Variants in LYZL1 observed in about 807,000 individuals in gnomAD.
LYZL1 encodes the protein lysozyme-like protein 1.
Under a neutral mutation model 17.9 loss-of-function variants are expected in LYZL1, and 16 were observed. The observed-to-expected ratio is 0.90, with a 90% CI of 0.61 to 1.36. LYZL1 has a LOEUF of 1.36. Ranked by LOEUF, LYZL1 falls within the 40% of genes most tolerant of loss-of-function variation. The pLI is 0.00. For missense variants in LYZL1, 149 were observed against 188.4 expected (o/e 0.79, Z 1.22); for synonymous variants, 58 against 71.8 (o/e 0.81, Z 0.97).
rs565762169 is a variant in LYZL1, at chr10:29,290,994, C to CA, written c.-25-848dup. Among the ~76,000 whole-genome samples, 44 of 152,244 alleles carry CA rather than the reference C, an allele frequency of 2.9e-4. No individual in the cohort carries two copies. The South Asian group carries it at 4.4e-3, about 15-fold the overall frequency. On this transcript the variant is annotated intron_variant, in intron 1 of 4. Transcript: ENST00000649382. ...ACCCTTAAAGTTTTCCATACAGGCC[C>CA]ACGTGTCTTTCATCTGTGGCTGAAA...
At chr10:29,298,136 C>T (rs1835470174) in intron 3 of LYZL1, among the ~76,000 whole-genome samples, 1 of 152,062 alleles carries the variant, frequency 6.6e-6, no homozygotes. Flanking sequence ...AAAGACTCTA[C>T]TTACAAAAAT....
chr10:29,308,266 T>A (rs768045231), intron 3 of LYZL1, among the ~76,000 whole-genome samples: 12 of 152,170 alleles, frequency 7.9e-5, no homozygotes, highest in Non-Finnish European at 1.3e-4. Flanking sequence ...CCACACCCAG[T>A]GACATGTGAG....
intron 3 of LYZL1, among the ~76,000 whole-genome samples, chr10:29,306,862 GAGAGA>G: frequency 7.1e-6 from 1 of 140,636 alleles, no homozygotes; most frequent in East Asian, 2.2e-4. Context: ...GAGAGAGAGA[GAGAGA>G]AGAACACTTA....
intron 3 of LYZL1, among the ~76,000 whole-genome samples, chr10:29,305,355 C>T (rs1345416722): frequency 6.6e-6 from 1 of 152,120 alleles, no homozygotes; most frequent in Non-Finnish European, 1.5e-5. Flanking sequence ...GAGCAGGAAT[C>T]TTTGCTTAAG....
chr10:29,298,812 C>G (rs1047993279), intron 3 of LYZL1, among the ~76,000 whole-genome samples: 2 of 152,226 alleles, frequency 1.3e-5, no homozygotes, highest in Admixed American at 6.5e-5. Context: ...TTTTTGGCAC[C>G]AGGGACCAGT....
At chr10:29,310,914 T>G in intron 4 of LYZL1, 76 bp from the exon 5 acceptor site, 2 of 1,611,828 alleles carry the variant, frequency 1.2e-6, no homozygotes, top group Non-Finnish European at 1.7e-6. Flanking sequence ...TTGGTTAATT[T>G]CTGTAGGCTT....
downstream of LYZL1, among the ~76,000 whole-genome samples, chr10:29,315,822 C>A (rs1211690057): frequency 6.0e-5 from 9 of 149,202 alleles, no homozygotes; most frequent in African/African-American, 2.2e-4. Context: ...GCGCTCCAGT[C>A]TGGGCAACAG....
At chr10:29,311,765 G>A (rs937469981), downstream of LYZL1, among the ~76,000 whole-genome samples, 1 of 151,984 alleles carries the variant, frequency 6.6e-6, no homozygotes, top group Admixed American at 6.6e-5. Flanking sequence ...ATCACTTGAA[G>A]TCAGAAGTTT....
chr10:29,310,122 A>T lies in LYZL1; in HGVS notation c.311A>T (p.Asp104Val). ...CTCTCTTTTACAGCCTTGATCACTG[A>T]TGACCTCACAGATGCAATTATCTGT... ...CHVACSALITDDLTDAIICAR... is the reference protein window; with the variant it reads ...CHVACSALITVDLTDAIICAR... Residue 104 changes from aspartate to valine, a missense_variant, in exon 4 of 5, where the codon GAT becomes GTT. This residue lies in a region of LYZL1 where 130 missense variants were observed against 132.5 expected (regional missense o/e 0.98). Transcript: ENST00000649382. 1 of 1,611,434 alleles carries T rather than the reference A, an allele frequency of 6.2e-7. No individual in the cohort carries two copies. Among genetic ancestry groups the T allele is most frequent in the South Asian group, 1.1e-5 (1 of 90,954 alleles).
chr10:29,313,233 T>A (rs1015428571), downstream of LYZL1, among the ~76,000 whole-genome samples: 1 of 152,236 alleles, frequency 6.6e-6, no homozygotes, highest in African/African-American at 2.4e-5. Flanking sequence ...TGAAAAGTAA[T>A]TTTATAAGAT....
Position 29,318,233 on chromosome 10 carries a change from C to T in LYZL1, c.*221C>T, listed in dbSNP as rs892550619. On this transcript the variant is annotated 3_prime_UTR_variant and NMD_transcript_variant, in exon 5 of 5. Transcript: ENST00000494304. Reference sequence around the variant, plus strand: ...CCCTGCCTGCTCAAGACCACAACCCCAGTGGCAACATAATTCTTGGTGAGG... The same window carrying T: ...CCCTGCCTGCTCAAGACCACAACCCTAGTGGCAACATAATTCTTGGTGAGG... 10 of 968,730 alleles carry T rather than the reference C, an allele frequency of 1.0e-5. No individual in the cohort carries two copies. In the African/African-American group the frequency reaches 1.6e-4, roughly 15 times the overall value. The allele number at this position is 968,730 out of a possible 1,614,324, so 60.0% of individuals were successfully genotyped here.
At chr10:29,302,207 T>C (rs183063896) in intron 3 of LYZL1, among the ~76,000 whole-genome samples, 8 of 152,340 alleles carry the variant, frequency 5.3e-5, no homozygotes, top group Admixed American at 4.6e-4. Context: ...ATACATAGTG[T>C]GTGTGTTGAT....
intron 1 of LYZL1, among the ~76,000 whole-genome samples, chr10:29,290,751 A>G (rs1835351922): frequency 6.6e-6 from 1 of 152,190 alleles, no homozygotes. Flanking sequence ...AGGCAGGAGA[A>G]TCGCTTGAAC....
In LYZL1 at chr10:29,301,177, A is replaced by G. The variant is rs940264730; in HGVS notation, c.298+8500A>G. Reference sequence around the variant, plus strand: ...TAGTGAATGAGTCTCACAAGATCTGATGGTTTTAAAAACAGGTGTTTCCCT... The same window carrying G: ...TAGTGAATGAGTCTCACAAGATCTGGTGGTTTTAAAAACAGGTGTTTCCCT... On this transcript the variant is annotated intron_variant, in intron 3 of 4. Transcript: ENST00000649382. 8.5e-5 allele frequency among the ~76,000 whole-genome samples: 13 copies of G among 152,226 alleles called. No individual in the cohort carries two copies. The East Asian group carries it at 2.5e-3, about 29-fold the overall frequency.
intron 3 of LYZL1, among the ~76,000 whole-genome samples, chr10:29,297,214 TC>T (rs2132820624): frequency 6.6e-6 from 1 of 151,814 alleles, no homozygotes; most frequent in African/African-American, 2.4e-5. Flanking sequence ...AAGAAATCTC[TC>T]TAAAAGCAGA....
In LYZL1 at chr10:29,292,001, G is replaced by A; in HGVS notation, c.134G>A (p.Gly45Glu). 7.8e-7 allele frequency: 1 copy of A among 1,289,594 alleles called. No individual in the cohort carries two copies. 79.9% of individuals were successfully genotyped at this position (1,289,594 alleles called of 1,614,324 possible). A position where few individuals can be genotyped will look rare whatever the true frequency, so the allele number is the denominator to read the frequency against. The change falls in exon 2 of 5, where the codon GGA becomes GAA. Residue 45 changes from glycine to glutamate, a missense_variant. Around this residue, in one of 2 missense-constraint regions of LYZL1, gnomAD observed 130 missense variants for 132.5 expected, o/e 0.98. Coordinates refer to ENST00000649382, the MANE Select transcript of LYZL1 (RefSeq NM_032517.6). ...GACAATTACTGGGGCTTCAGCCTTG[G>A]AAACTGTGAGACTCTTTCTTTCCTG... ...GLDNYWGFSLGNWICMAYYES... is the reference protein window; with the variant it reads ...GLDNYWGFSLENWICMAYYES...
chr10:29,295,637 A>G (rs1431041636), intron 3 of LYZL1, among the ~76,000 whole-genome samples: 3 of 152,216 alleles, frequency 2.0e-5, no homozygotes, highest in African/African-American at 7.2e-5. Context: ...AGGATCTGAG[A>G]TCAGGTAGGG....
chr10:29,291,198 A>AT (rs1220785014), intron 1 of LYZL1, among the ~76,000 whole-genome samples: 4 of 152,210 alleles, frequency 2.6e-5, no homozygotes, highest in African/African-American at 9.7e-5. Context: ...ATAAACACAT[A>AT]TTTTTTATGT....
chr10:29,303,679 A>G (rs1835552105), intron 3 of LYZL1, among the ~76,000 whole-genome samples: 1 of 152,116 alleles, frequency 6.6e-6, no homozygotes, highest in Non-Finnish European at 1.5e-5. Context: ...AGAGCATGGG[A>G]TTTTGGGGGA....
Sources: allele counts gnomAD v4.1 joint callset (sites outside exome capture counted in the v4.1 genomes callset), GRCh38; gene constraint gnomAD v4.1.1; regional missense constraint gnomAD v4.1.1; transcripts MANE v1.5; gene names NCBI Gene and HGNC (gene_info 2026-07-23, HGNC 2026-07-21).